The following TYW1B variants were observed in gnomAD, a reference collection of about 807,000 sequenced individuals.
TYW1B encodes the protein S-adenosyl-L-methionine-dependent tRNA 4-demethylwyosine synthase TYW1B.
A neutral mutation model predicts 86.9 loss-of-function variants in TYW1B; 73 were observed. The ratio of observed to expected loss-of-function variants is 0.84; its 90% CI spans 0.70 to 1.02. The LOEUF is 1.02. TYW1B is among the 50% of genes least tolerant of loss of function. TYW1B has a pLI of 0.00. For missense variants in TYW1B, 637 were observed against 827.4 expected, an observed-to-expected ratio of 0.77 and a Z score of 2.82; for synonymous variants, 248 against 292.8, an observed-to-expected ratio of 0.85 and a Z score of 1.56.
At position 72,810,635 on chromosome 7, in the gene TYW1B, C is replaced by G. The variant is rs1788592294; in HGVS notation, c.268G>C (p.Val90Leu). 1 of 1,612,730 alleles carries G rather than the reference C, an allele frequency of 6.2e-7. No homozygotes were observed. Among genetic ancestry groups the G allele is most frequent in the Non-Finnish European group, 8.5e-7 (1 of 1,179,178 alleles). Residue 90 changes from valine (V) to leucine (L), a missense_variant, in exon 4 of 14, where the codon GTT becomes CTT. By Grantham distance (32) the Val-to-Leu change is conservative (BLOSUM62 1). Coordinates refer to ENST00000620995, the MANE Select transcript of TYW1B (RefSeq NM_001145440.3). Reference sequence around the variant, plus strand: ...GGTAGGCCGTCAGTGTATGTCGCAACCAGGAAGACACAGACATTTTTACTA... The same window carrying G: ...GGTAGGCCGTCAGTGTATGTCGCAAGCAGGAAGACACAGACATTTTTACTA... ...VTSKNVCVFL[V>L]ATYTDGLPTE...
intron 6 of TYW1B, among the ~76,000 whole-genome samples, chr7:72,791,765 G>A (rs1361758889): frequency 1.3e-5 from 2 of 152,290 alleles, no homozygotes; most frequent in Non-Finnish European, 1.5e-5. Context: ...AACAGAGAAA[G>A]ACTCCGTCTT....
chr7:72,749,911 TG>T (rs368899840), intron 7 of TYW1B, among the ~76,000 whole-genome samples: 4 of 96,418 alleles, frequency 4.1e-5, no homozygotes, highest in Non-Finnish European at 6.9e-5. Context: ...TGGTTTTTTT[TG>T]TTTTTTTTTT....
chr7:72,591,933 C>T (rs1406007324), intron 13 of TYW1B, among the ~76,000 whole-genome samples: 1 of 151,862 alleles, frequency 6.6e-6, no homozygotes, highest in Admixed American at 6.6e-5. Flanking sequence ...AAGGAATTCT[C>T]GTGCCTCAGC....
At chr7:72,791,638 A>G (rs1554473478) in intron 6 of TYW1B, among the ~76,000 whole-genome samples, 1 of 152,116 alleles carries the variant, frequency 6.6e-6, no homozygotes, top group African/African-American at 2.4e-5. Flanking sequence ...TTAGCTGGGC[A>G]TGGTGGCATG....
intron 7 of TYW1B, among the ~76,000 whole-genome samples, chr7:72,745,756 C>G (rs1350283182): frequency 9.2e-5 from 14 of 151,524 alleles, no homozygotes; most frequent in African/African-American, 3.2e-4. Flanking sequence ...ATTTTGAGGC[C>G]AAGTGACTGA....
chr7:72,736,248 G>A (rs534704736), intron 8 of TYW1B, among the ~76,000 whole-genome samples: 2 of 152,288 alleles, frequency 1.3e-5, no homozygotes, highest in East Asian at 1.9e-4. Context: ...ACAAAGGAAG[G>A]AGGAAGTAAC....
intron 8 of TYW1B, among the ~76,000 whole-genome samples, chr7:72,733,159 A>AACACACAC (rs145935571): frequency 0.032 from 4,691 of 147,102 alleles, 90 homozygotes; most frequent in East Asian, 0.068. Context: ...CCAAACCTAA[A>AACACACAC]ACACACACAC....
intron 6 of TYW1B, among the ~76,000 whole-genome samples, chr7:72,795,405 T>C (rs1432781252): frequency 6.6e-6 from 1 of 151,708 alleles, no homozygotes; most frequent in African/African-American, 2.4e-5. Flanking sequence ...TTTGTTGTTA[T>C]TGTTTATGAT....
chr7:72,685,234 T>C (rs559598002), intron 11 of TYW1B, among the ~76,000 whole-genome samples: 124 of 151,744 alleles, frequency 8.2e-4, no homozygotes, highest in African/African-American at 2.8e-3. Flanking sequence ...TTACAAACTC[T>C]AGGGAAAACA....
chr7:72,792,778 T>C (rs1213116511), intron 6 of TYW1B, among the ~76,000 whole-genome samples: 6 of 152,144 alleles, frequency 3.9e-5, no homozygotes, highest in African/African-American at 1.4e-4. Context: ...GAACCTTACA[T>C]TGAATTCATC....
intron 11 of TYW1B, among the ~76,000 whole-genome samples, chr7:72,665,108 T>G (rs2129569545): frequency 6.6e-6 from 1 of 152,324 alleles, no homozygotes; most frequent in African/African-American, 2.4e-5. Flanking sequence ...AAAGAACCTA[T>G]TTCCCAGTCT....
intron 11 of TYW1B, among the ~76,000 whole-genome samples, chr7:72,666,166 T>C (rs370324561): frequency 6.6e-6 from 1 of 152,032 alleles, no homozygotes; most frequent in East Asian, 1.9e-4. Context: ...ATAATCCCAG[T>C]ACTTTGGGAG....
At chr7:72,770,943 T>C (rs1424620761) in intron 7 of TYW1B, among the ~76,000 whole-genome samples, 5 of 145,406 alleles carry the variant, frequency 3.4e-5, no homozygotes, top group African/African-American at 1.0e-4. Flanking sequence ...ATTCCACTCA[T>C]ATGAATTTCC....
intron 8 of TYW1B, among the ~76,000 whole-genome samples, chr7:72,742,322 G>T (rs1190753902): frequency 6.6e-6 from 1 of 152,070 alleles, no homozygotes; most frequent in Non-Finnish European, 1.5e-5. Flanking sequence ...TAGAGACAAG[G>T]TTTCATCATG....
At chr7:72,588,938 AAGT>A (rs1390624062) in intron 13 of TYW1B, among the ~76,000 whole-genome samples, 2 of 151,152 alleles carry the variant, frequency 1.3e-5, no homozygotes, top group Non-Finnish European at 3.0e-5. Context: ...TCAGCCTCCC[AAGT>A]AGCTAGGATT....
At chr7:72,698,595 G>A (rs1359367973) in intron 10 of TYW1B, among the ~76,000 whole-genome samples, 9 of 150,030 alleles carry the variant, frequency 6.0e-5, no homozygotes, top group Non-Finnish European at 7.4e-5. Context: ...GCAGTGAGCC[G>A]AGATCACGCC....
chr7:72,687,199 G>C (rs1554449582), intron 11 of TYW1B, among the ~76,000 whole-genome samples: 1 of 152,128 alleles, frequency 6.6e-6, no homozygotes, highest in African/African-American at 2.4e-5. Flanking sequence ...ACTTTGGGAG[G>C]GTAAGATGGG....
chr7:72,727,931 G>A (rs565996612), intron 9 of TYW1B, among the ~76,000 whole-genome samples: 14 of 151,868 alleles, frequency 9.2e-5, no homozygotes, highest in East Asian at 1.9e-4. Context: ...AGATGATTCC[G>A]ATGCATGATA....
At chr7:72,641,217 T>C (rs1173590803) in intron 11 of TYW1B, among the ~76,000 whole-genome samples, 3 of 151,862 alleles carry the variant, frequency 2.0e-5, no homozygotes, top group Non-Finnish European at 2.9e-5. Flanking sequence ...CAAGGAGAAA[T>C]GGACAATCGG....
Sources: gnomAD v4.1 joint callset for allele counts (sites outside exome capture counted in the v4.1 genomes callset) on GRCh38, gnomAD v4.1.1 for gene constraint, MANE v1.5 for transcripts, NCBI Gene and HGNC (gene_info 2026-07-23, HGNC 2026-07-21) for gene names.